Variants in CTNNBL1 observed in about 807,000 individuals in gnomAD.
The protein encoded by CTNNBL1 is catenin beta like 1.
In CTNNBL1, 31 loss-of-function variants were observed where a neutral mutation model predicts 72.7. That is an observed-to-expected ratio of 0.43 (90% CI 0.32 to 0.58). CTNNBL1 has a LOEUF of 0.58. CTNNBL1 is among the 20% of genes least tolerant of loss of function. CTNNBL1 has a pLI of 0.08. For synonymous variants in CTNNBL1, 240 were observed against 267.3 expected (o/e 0.90, Z 1.00); for missense variants, 534 against 725.1 (o/e 0.74, Z 3.03).
intron 4 of CTNNBL1, among the ~76,000 whole-genome samples, chr20:37,753,648 A>G (rs2073339029): frequency 6.6e-6 from 1 of 152,226 alleles, no homozygotes. Context: ...AATGAAGGCA[A>G]TAGTGAGCGC....
intron 13 of CTNNBL1, among the ~76,000 whole-genome samples, chr20:37,848,462 C>T (rs992515683): frequency 2.0e-5 from 3 of 152,096 alleles, no homozygotes; most frequent in African/African-American, 7.3e-5. Flanking sequence ...AGCCTAGGCT[C>T]TTCTTTAAAC....
At chr20:37,772,427 C>T (rs559443293) in intron 7 of CTNNBL1, among the ~76,000 whole-genome samples, 4 of 152,336 alleles carry the variant, frequency 2.6e-5, no homozygotes, top group African/African-American at 9.6e-5. Flanking sequence ...TGGCTCACTG[C>T]AAGCTCCGTC....
At chr20:37,738,845 G>A (rs533055670) in intron 3 of CTNNBL1, among the ~76,000 whole-genome samples, 1 of 152,186 alleles carries the variant, frequency 6.6e-6, no homozygotes, top group Admixed American at 6.5e-5. Context: ...ATGAACAAAG[G>A]CACAGAGGTG....
chr20:37,832,473 G>A (rs2072217581), intron 11 of CTNNBL1: 1 of 152,218 alleles, frequency 6.6e-6, no homozygotes, highest in African/African-American at 2.4e-5. Context: ...GGGAGGGACA[G>A]CCCCAGCTTA....
chr20:37,824,513 A>G (rs1161998374), intron 11 of CTNNBL1, among the ~76,000 whole-genome samples: 1 of 152,244 alleles, frequency 6.6e-6, no homozygotes, highest in African/African-American at 2.4e-5. Context: ...ACTTCCTAGA[A>G]AAGAACCTAC....
At position 37,757,579 on chromosome 20, in the gene CTNNBL1, G is replaced by A. The variant is rs750413413; in HGVS notation, c.487G>A (p.Asp163Asn). 35 of 1,613,576 alleles carry A rather than the reference G, an allele frequency of 2.2e-5. No homozygotes were observed. The South Asian group carries it at 2.9e-4, about 13-fold the overall frequency. ...TTCACATGTGTCCATAGCTGTGGTC[G>A]ATTTGCTTCAGGAATTAACAGATAT... is the stretch of plus-strand genomic sequence containing the variant. ...DNTDVSIAVV[D>N]LLQELTDIDT... Residue 163 changes from aspartate to asparagine, a missense_variant, in exon 5 of 16, where the codon GAT (aspartate) becomes AAT (asparagine). Coordinates refer to ENST00000361383, the MANE Select transcript of CTNNBL1 (RefSeq NM_030877.5).
At chr20:37,788,965 A>G (rs969274386) in intron 10 of CTNNBL1, among the ~76,000 whole-genome samples, 9 of 152,232 alleles carry the variant, frequency 5.9e-5, no homozygotes, top group African/African-American at 2.2e-4. Context: ...AATAAGAAGA[A>G]AAGCTTTCTT....
chr20:37,719,430 G>T (rs956763465), intron 1 of CTNNBL1, among the ~76,000 whole-genome samples: 2 of 152,132 alleles, frequency 1.3e-5, no homozygotes, highest in East Asian at 1.9e-4. Flanking sequence ...CTAACCGGAA[G>T]GCTCAATAAT....
At chr20:37,861,809 T>G (rs2072493828) in intron 15 of CTNNBL1, among the ~76,000 whole-genome samples, 1 of 152,134 alleles carries the variant, frequency 6.6e-6, no homozygotes, top group Admixed American at 6.5e-5. Context: ...AAGTTAACAG[T>G]GAACGTTAGT....
rs146094914 is a variant in CTNNBL1 at position 37,826,789 on chromosome 20, G to GT, written c.1214-13312dup. The stretch of plus-strand genomic sequence containing the variant: ...ATCCATGTTATTTTTGATGCAGAAA[G>GT]TAAGTTGCAGACAGCATTACATTTC... On this transcript the variant is annotated intron_variant, in intron 11 of 15. Transcript: ENST00000361383. Among the ~76,000 whole-genome samples, 443 of 152,310 alleles carry GT rather than the reference G, an allele frequency of 2.9e-3. 10 individuals are homozygous for GT. The East Asian group carries it at 0.042, about 14-fold the overall frequency.
intron 7 of CTNNBL1, among the ~76,000 whole-genome samples, chr20:37,774,218 A>G (rs1480261267): frequency 1.3e-5 from 2 of 152,010 alleles, no homozygotes; most frequent in East Asian, 3.9e-4. Flanking sequence ...CTGGCCACAT[A>G]CATTATTTCT....
intron 11 of CTNNBL1, among the ~76,000 whole-genome samples, chr20:37,819,661 A>G (rs2072088279): frequency 6.6e-6 from 1 of 152,082 alleles, no homozygotes; most frequent in Non-Finnish European, 1.5e-5. Flanking sequence ...TTTTTCCAGA[A>G]TTACATTTTT....
chr20:37,718,961 C>T (rs565296956), intron 1 of CTNNBL1, among the ~76,000 whole-genome samples: 1 of 152,290 alleles, frequency 6.6e-6, no homozygotes, highest in South Asian at 2.1e-4. Flanking sequence ...TCTATGGCTT[C>T]GGGCTCAAGT....
chr20:37,773,650 CAG>C (rs1340418138), intron 7 of CTNNBL1, among the ~76,000 whole-genome samples: 3 of 152,154 alleles, frequency 2.0e-5, no homozygotes, highest in East Asian at 1.9e-4. Flanking sequence ...GGGATTTAAA[CAG>C]AAATAAAATA....
chr20:37,756,423 CCCCGTTGTGTGT>C (rs2073363930), intron 4 of CTNNBL1: 1 of 148,286 alleles, frequency 6.7e-6, no homozygotes, highest in East Asian at 2.0e-4. Flanking sequence ...TCTCTCTCTC[CCCCGTTGTGTGT>C]GTGTGCACCC....
chr20:37,800,726 C>A (rs1037234046), intron 10 of CTNNBL1, among the ~76,000 whole-genome samples: 67 of 152,214 alleles, frequency 4.4e-4, no homozygotes, highest in African/African-American at 1.5e-3. Context: ...ATCCACTTTA[C>A]TCCTGGAATC....
intron 13 of CTNNBL1, among the ~76,000 whole-genome samples, chr20:37,856,023 G>T (rs2072437219): frequency 6.6e-6 from 1 of 152,064 alleles, no homozygotes; most frequent in Admixed American, 6.5e-5. Flanking sequence ...GATCACCTGA[G>T]GTCAGAGGTT....
At chr20:37,775,421 A>G (rs2073565227) in intron 7 of CTNNBL1, among the ~76,000 whole-genome samples, 1 of 152,224 alleles carries the variant, frequency 6.6e-6, no homozygotes, top group Non-Finnish European at 1.5e-5. Flanking sequence ...TGGTTAATGC[A>G]GTGTTCAACA....
chr20:37,867,138 C>T (rs934512154), intron 15 of CTNNBL1, among the ~76,000 whole-genome samples: 1 of 152,214 alleles, frequency 6.6e-6, no homozygotes, highest in Non-Finnish European at 1.5e-5. Flanking sequence ...AACTTTCAAC[C>T]TTCCAAGTTC....
Sources: gnomAD v4.1 joint callset for allele counts (sites outside exome capture counted in the v4.1 genomes callset) on GRCh38, gnomAD v4.1.1 for gene constraint, MANE v1.5 for transcripts, NCBI Gene and HGNC (gene_info 2026-07-23, HGNC 2026-07-21) for gene names.